The following DYSF variants were observed in gnomAD, a reference collection of about 807,000 sequenced individuals.
The protein encoded by DYSF is dystrophy-associated fer-1-like 1.
In DYSF, 212 loss-of-function variants were observed where a neutral mutation model predicts 274.9. The observed-to-expected ratio is 0.77, with a 90% confidence interval of 0.69 to 0.86. The LOEUF (loss-of-function observed/expected upper bound fraction) is 0.86. Ranked by LOEUF, DYSF falls within the 40% of genes least tolerant of loss-of-function variation. DYSF has a pLI of 0.00. For synonymous variants in DYSF, 1,091 were observed against 1,078.7 expected, an observed-to-expected ratio of 1.01 and a Z score of -0.22; for missense variants, 2,666 against 2,783.2, an observed-to-expected ratio of 0.96 and a Z score of 0.95.
rs191015875 is a variant in DYSF at position 71,525,964 on chromosome 2, T to G, written c.1150-256T>G. 2.7e-3 allele frequency among the ~76,000 whole-genome samples: 415 copies of G among 152,310 alleles called. 1 individual carries two copies. Among genetic ancestry groups the G allele is most frequent in the Non-Finnish European group, 5.1e-3 (350 of 68,022 alleles). On this transcript the variant is annotated intron_variant, in intron 12 of 55. Coordinates refer to ENST00000410020, the MANE Select transcript of DYSF (RefSeq NM_001130987.2). ...GGTGGAATGCTTGCTGTGTGCCACG[T>G]GCATTTACATCATTACTGGAGATGT...
chr2:71,644,091 G>T (rs754445724), intron 42 of DYSF, 28 bp downstream of exon 42: 2 of 1,573,858 alleles, frequency 1.3e-6, no homozygotes, highest in Non-Finnish European at 1.7e-6. Flanking sequence ...TCTGACAGTC[G>T]GTGTGTGTGT....
intron 30 of DYSF, among the ~76,000 whole-genome samples, chr2:71,588,928 G>T (rs1381517468): frequency 6.6e-6 from 1 of 152,146 alleles, no homozygotes; most frequent in African/African-American, 2.4e-5. Flanking sequence ...TCCAGTCTTG[G>T]TGCTCCCCAA....
intron 24 of DYSF, among the ~76,000 whole-genome samples, chr2:71,565,997 CTG>C (rs143798407): frequency 4.2e-4 from 63 of 151,736 alleles, no homozygotes; most frequent in Admixed American, 6.6e-4. Flanking sequence ...GTGAGTGTGT[CTG>C]TGTGTGTGTG....
At chr2:71,602,901 T>G in intron 36 of DYSF, 96 bp downstream of exon 36, 11 of 1,460,890 alleles carry the variant, frequency 7.5e-6, no homozygotes, top group Non-Finnish European at 9.4e-6. Flanking sequence ...AGGTTCCTGG[T>G]GCCCAGCAGG....
rs866888887 is a variant in DYSF, at chr2:71,658,870, C to G, written c.4756-8C>G. ...TAAAAATGAAAATTAACCCTTCCTT[C>G]TTTTCAGGGCCTCTTCAAAATTTAT... On this transcript the variant is annotated splice_region_variant and splice_polypyrimidine_tract_variant and intron_variant, in intron 43 of 55. Coordinates refer to ENST00000410020, the MANE Select transcript of DYSF (RefSeq NM_001130987.2). 1 of 1,614,218 alleles carries G rather than the reference C, an allele frequency of 6.2e-7. No individual in the cohort carries two copies. Among genetic ancestry groups the G allele is most frequent in the Non-Finnish European group, 8.5e-7 (1 of 1,180,038 alleles).
intron 10 of DYSF, among the ~76,000 whole-genome samples, chr2:71,517,746 T>C (rs80208978): frequency 0.033 from 5,076 of 152,228 alleles, 127 homozygotes; most frequent in Non-Finnish European, 0.04. Flanking sequence ...CTGAGAATGA[T>C]ATTTGTATAC....
At chr2:71,549,507 C>T (rs2090767865) in intron 17 of DYSF, 4 of 1,015,122 alleles carry the variant, frequency 3.9e-6, no homozygotes, top group Non-Finnish European at 6.0e-6. Flanking sequence ...GATTGAGATT[C>T]CCCCACAAAG....
intron 41 of DYSF, among the ~76,000 whole-genome samples, chr2:71,622,130 G>GTTTTCTTTTTTTTTTTT (rs2094118558): frequency 1.0e-5 from 1 of 97,004 alleles, no homozygotes; most frequent in Non-Finnish European, 2.0e-5. Flanking sequence ...TGATTTCTTT[G>GTTTTCTTTTTTTTTTTT]TTTTTTTTTT....
Position 71,681,506 on chromosome 2 carries a change from G to C in DYSF, c.6173+396G>C, listed in dbSNP as rs542782479. Among the ~76,000 whole-genome samples, 19 of 152,332 alleles carry C rather than the reference G, an allele frequency of 1.2e-4. No individual in the cohort carries two copies. The East Asian group carries it at 2.9e-3, about 23-fold the overall frequency. Reference sequence around the variant, plus strand: ...TGGTGAAGCAGAAATGCTCTCACCTGGTCTGATTGGCTCCAGAGCCCGATC... The same window carrying C: ...TGGTGAAGCAGAAATGCTCTCACCTCGTCTGATTGGCTCCAGAGCCCGATC... On this transcript the variant is annotated intron_variant, in intron 54 of 55. Transcript: ENST00000410020.
intron 32 of DYSF, among the ~76,000 whole-genome samples, chr2:71,596,279 G>C (rs1031717700): frequency 4.6e-5 from 7 of 152,102 alleles, no homozygotes; most frequent in Non-Finnish European, 1.0e-4. Context: ...GGGCCAGCGT[G>C]GGGGGTGCTG....
intron 41 of DYSF, among the ~76,000 whole-genome samples, chr2:71,622,635 A>G (rs1299384032): frequency 6.6e-6 from 1 of 152,026 alleles, no homozygotes; most frequent in Non-Finnish European, 1.5e-5. Context: ...ATTGTTTTTG[A>G]GATGGAGTCT....
intron 45 of DYSF, among the ~76,000 whole-genome samples, chr2:71,663,165 G>T (rs929329251): frequency 6.6e-6 from 1 of 152,162 alleles, no homozygotes; most frequent in Non-Finnish European, 1.5e-5. Context: ...GGGCTGGGGA[G>T]AGGGCCCGTC....
chr2:71,513,165 A>G (rs2152730751), intron 5 of DYSF, 75 bp from the exon 6 acceptor site: 1 of 1,372,154 alleles, frequency 7.3e-7, no homozygotes. Context: ...TTGGGGATGG[A>G]GGTGCAGTAG....
chr2:71,678,453 T>G (rs1040975853), intron 52 of DYSF, among the ~76,000 whole-genome samples: 2 of 152,182 alleles, frequency 1.3e-5, no homozygotes, highest in Non-Finnish European at 2.9e-5. Context: ...TATTGTATGA[T>G]TCCACTTATA....
chr2:71,632,780 C>G (rs2094336187), intron 41 of DYSF, among the ~76,000 whole-genome samples: 1 of 152,090 alleles, frequency 6.6e-6, no homozygotes, highest in Admixed American at 6.5e-5. Flanking sequence ...TCATGGGCCC[C>G]CAAGGATCTA....
At position 71,658,927 on chromosome 2, in the gene DYSF, C is replaced by A. The variant is rs1284897680; in HGVS notation, c.4805C>A (p.Pro1602His). The change falls in exon 44 of 56, where the codon CCC (proline) becomes CAC (histidine). Residue 1602 changes from proline to histidine, a missense_variant. This residue lies in a region of DYSF where 1,460 missense variants were observed against 1,502.1 expected (regional missense o/e 0.97). Coordinates refer to ENST00000410020, the MANE Select transcript of DYSF (RefSeq NM_001130987.2). ...CCAGAAGACCCAGCCATCCCCATGC[C>A]CCCAAGACAGTTCCACCAGCTGGCC... ...PLPEDPAIPM[P>H]PRQFHQLAAQ... is the part of the protein sequence containing the mutation. 2 of 1,614,186 alleles carry A rather than the reference C, an allele frequency of 1.2e-6. No homozygotes were observed. Among genetic ancestry groups the A allele is most frequent in the South Asian group, 1.1e-5 (1 of 91,076 alleles).
Position 71,577,292 on chromosome 2 carries a change from ACT to A in DYSF, c.3402+2924_3402+2925del, listed in dbSNP as rs375544938. 2.5e-4 allele frequency among the ~76,000 whole-genome samples: 38 copies of A among 150,070 alleles called. No individual in the cohort carries two copies. The East Asian group carries it at 5.4e-3, about 21-fold the overall frequency. On this transcript the variant is annotated intron_variant, in intron 30 of 55. Coordinates refer to ENST00000410020, the MANE Select transcript of DYSF (RefSeq NM_001130987.2). ...CACTCTTTCCACTCATACACAACAC[ACT>A]CTGTTACACGAACACACACACCAAC...
intron 14 of DYSF, among the ~76,000 whole-genome samples, chr2:71,528,655 G>A (rs763386866): frequency 2.6e-5 from 4 of 152,210 alleles, no homozygotes; most frequent in Non-Finnish European, 4.4e-5. Flanking sequence ...AGGAGAGGAC[G>A]TTGGATGGTG....
intron 24 of DYSF, among the ~76,000 whole-genome samples, chr2:71,566,501 C>T (rs1185068033): frequency 6.6e-6 from 1 of 151,550 alleles, no homozygotes; most frequent in Non-Finnish European, 1.5e-5. Flanking sequence ...TGTTTCTTAA[C>T]TTAAACCAAA....
Sources: gnomAD v4.1 joint callset for allele counts (sites outside exome capture counted in the v4.1 genomes callset) on GRCh38, gnomAD v4.1.1 for gene constraint, gnomAD v4.1.1 regional missense constraint, MANE v1.5 for transcripts, NCBI Gene and HGNC (gene_info 2026-07-23, HGNC 2026-07-21) for gene names.